QPCT: variants seen among roughly 807,000 people sequenced by gnomAD.
QPCT encodes the protein EC.
A neutral mutation model predicts 43.4 loss-of-function variants in QPCT; 44 were observed. That is an observed-to-expected ratio of 1.01 (90% CI 0.80 to 1.30). QPCT has a LOEUF of 1.30. QPCT is among the 50% of genes most tolerant of loss of function. The pLI is 0.00. For synonymous variants in QPCT, 168 were observed against 168.4 expected (o/e 1.00, Z 0.02); for missense variants, 526 against 436.5 (o/e 1.21, Z -1.83).
At chr2:37,347,483 T>C (rs1277205425) in intron 1 of QPCT, among the ~76,000 whole-genome samples, 1 of 151,732 alleles carries the variant, frequency 6.6e-6, no homozygotes, top group African/African-American at 2.4e-5. Flanking sequence ...AGTGTGGGGC[T>C]AGCAGGGAAG....
At chr2:37,363,315 A>C (rs1417766057) in intron 3 of QPCT, among the ~76,000 whole-genome samples, 2 of 152,152 alleles carry the variant, frequency 1.3e-5, no homozygotes, top group Non-Finnish European at 2.9e-5. Context: ...CAGACATTTG[A>C]GGACAGACTC....
At chr2:37,367,938 A>T (rs1672999389) in intron 4 of QPCT, among the ~76,000 whole-genome samples, 1 of 152,156 alleles carries the variant, frequency 6.6e-6, no homozygotes, top group South Asian at 2.1e-4. Flanking sequence ...AAATGATAAA[A>T]TCATGTAAAA....
rs143642421 is a variant in QPCT at position 37,359,635 on chromosome 2, C to T, written c.323C>T (p.Thr108Ile). Residue 108 changes from threonine (T) to isoleucine (I), a missense_variant, in exon 3 of 7, where the codon ACC becomes ATC. By Grantham distance (89) the Thr-to-Ile change is moderately conservative. Coordinates refer to ENST00000338415, the MANE Select transcript of QPCT (RefSeq NM_012413.4). ...GCTGACTGGGTCTTGGAAATAGACA[C>T]CTTCTTGAGTCAGACACCCTATGGG... Reference protein sequence around the residue: ...LQADWVLEIDTFLSQTPYGYR... With the variant: ...LQADWVLEIDIFLSQTPYGYR... 37 of 1,614,008 alleles carry T rather than the reference C, an allele frequency of 2.3e-5. No homozygotes were observed. The highest frequency in any genetic ancestry group is 3.1e-5 in the Non-Finnish European group (36 of 1,180,010).
chr2:37,347,187 TA>T (rs1672516220), intron 1 of QPCT, among the ~76,000 whole-genome samples: 1 of 93,300 alleles, frequency 1.1e-5, no homozygotes, highest in East Asian at 4.4e-4. Context: ...ATAACATATA[TA>T]TATAACATAT....
At chr2:37,367,075 G>T (rs960975549) in intron 3 of QPCT, 157 bp from the exon 4 acceptor site, 1 of 710,188 alleles carries the variant, frequency 1.4e-6, no homozygotes, top group Non-Finnish European at 2.3e-6. Context: ...CTTTTGAAGA[G>T]GAAGTGGTGT....
At position 37,372,902 on chromosome 2, in the gene QPCT, T is replaced by C. The variant is rs1190495458; in HGVS notation, c.*75T>C. 3.4e-5 allele frequency: 46 copies of C among 1,340,818 alleles called. No individual in the cohort carries two copies. The highest frequency in any genetic ancestry group is 4.6e-5 in the Non-Finnish European group (45 of 979,402). 83.1% of individuals were successfully genotyped at this position (1,340,818 alleles called of 1,614,324 possible). On this transcript the variant is annotated 3_prime_UTR_variant, in exon 7 of 7. Coordinates refer to ENST00000338415, the MANE Select transcript of QPCT (RefSeq NM_012413.4). The stretch of plus-strand genomic sequence containing the variant: ...CAAGGCATCATTTAAAATAATCTGA[T>C]TTCAGACAAATGCTGTGTGGAAACA...
chr2:37,352,506 A>AT (rs1430717215), intron 1 of QPCT, among the ~76,000 whole-genome samples: 1 of 151,874 alleles, frequency 6.6e-6, no homozygotes, highest in East Asian at 1.9e-4. Flanking sequence ...TAATTTTTTC[A>AT]TTTTTTGTAG....
In QPCT at chr2:37,344,642, G is replaced by A. The variant is rs771581214; in HGVS notation, c.-90G>A. 126 of 1,505,518 alleles carry A rather than the reference G, an allele frequency of 8.4e-5. No individual in the cohort carries two copies. The highest frequency in any genetic ancestry group is 2.1e-4 in the Middle Eastern group (1 of 4,842). The allele number at this position is 1,505,518 out of a possible 1,614,324, so 93.3% of individuals were successfully genotyped here. A position where few individuals can be genotyped will look rare whatever the true frequency, so the allele number is the denominator to read the frequency against. On this transcript the variant is annotated 5_prime_UTR_variant, in exon 1 of 7. Coordinates refer to ENST00000338415, the MANE Select transcript of QPCT (RefSeq NM_012413.4). The stretch of plus-strand genomic sequence containing the variant: ...GGAAGGCGGGCGCAGTCGACCCAAG[G>A]GTGGAGAAGAGGGAAGGCGAAGGAC...
intron 3 of QPCT, among the ~76,000 whole-genome samples, chr2:37,364,131 C>T (rs1230190739): frequency 1.3e-5 from 2 of 151,912 alleles, no homozygotes; most frequent in Non-Finnish European, 2.9e-5. Context: ...ATCTTCAGAC[C>T]CAGAAAAATT....
chr2:37,361,744 G>A (rs1212995728), intron 3 of QPCT, among the ~76,000 whole-genome samples: 1 of 152,186 alleles, frequency 6.6e-6, no homozygotes, highest in Non-Finnish European at 1.5e-5. Context: ...ATACATAATG[G>A]TATTTTAAGC....
intron 1 of QPCT, among the ~76,000 whole-genome samples, chr2:37,347,170 T>TATATATATATATTATATATATATAAC (rs1672512668): frequency 5.7e-5 from 3 of 52,862 alleles, no homozygotes; most frequent in African/African-American, 2.5e-4. Context: ...ATATAACATA[T>TATATATATATATTATATATATATAAC]ATATATATAA....
chr2:37,347,149 T>TATATATATATATAAC (rs1425557528), intron 1 of QPCT, among the ~76,000 whole-genome samples: 1 of 62,706 alleles, frequency 1.6e-5, no homozygotes, highest in African/African-American at 8.3e-5. Flanking sequence ...GTGTTTTATA[T>TATATATATATATAAC]ATATATATAT....
rs745650021 is a variant in QPCT, at chr2:37,367,409, G to T, written c.723+1G>T. On this transcript the variant is annotated splice_donor_variant, in intron 4 of 6. Transcript: ENST00000338415. LOFTEE classifies it high-confidence loss of function. ...AGGCACCAGCCAACTGCATGGCATG[G>T]TTAGTCTGGGCAATTTCCCTAGCAC... 3 of 1,612,780 alleles carry T rather than the reference G, an allele frequency of 1.9e-6. No individual in the cohort carries two copies. The highest frequency in any genetic ancestry group is 1.7e-5 in the Admixed American group (1 of 59,850).
In QPCT at chr2:37,364,981, A is replaced by G. The variant is rs116081752; in HGVS notation, c.547-2251A>G. Among the ~76,000 whole-genome samples the G allele has an allele frequency of 8.6e-3, 1,277 of 147,870 alleles. 12 individuals are homozygous for G. The highest frequency in any genetic ancestry group is 0.03 in the African/African-American group (1,207 of 40,250). On this transcript the variant is annotated intron_variant, in intron 3 of 6. Transcript: ENST00000338415. ...ATAGAGAGACCAGCCTGGGCAACAT[A>G]CTAAGGCTCCGCCTCTACAATATTA... is the stretch of plus-strand genomic sequence containing the variant.
intron 1 of QPCT, among the ~76,000 whole-genome samples, chr2:37,351,313 G>T (rs1672615562): frequency 6.6e-6 from 1 of 152,084 alleles, no homozygotes; most frequent in Admixed American, 6.6e-5. Flanking sequence ...CTGATCAATT[G>T]TTCTCTTCCT....
chr2:37,369,594 T>C (rs1054170752), intron 4 of QPCT, 91 bp from the exon 5 acceptor site: 3 of 926,072 alleles, frequency 3.2e-6, no homozygotes, highest in Non-Finnish European at 5.3e-6. Flanking sequence ...ATTACTGAAA[T>C]GCAGTTAATT....
rs1672850082 is a variant in QPCT at position 37,361,073 on chromosome 2, A to AAAAAACTTAATTTAAT, written c.546+1215_546+1216insAAAAACTTAATTTAAT. 3.3e-4 allele frequency among the ~76,000 whole-genome samples: 50 copies of AAAAAACTTAATTTAAT among 152,332 alleles called. No individual in the cohort carries two copies. In the South Asian group the frequency reaches 9.9e-3, roughly 30 times the overall value. On this transcript the variant is annotated intron_variant, in intron 3 of 6. Coordinates refer to ENST00000338415, the MANE Select transcript of QPCT (RefSeq NM_012413.4). ...CTGAATGAGTTATTGGATTGGGGTC[A>AAAAAACTTAATTTAAT]TCATTAAAAAAATTTGAATCAACAT... is the stretch of plus-strand genomic sequence containing the variant.
At chr2:37,354,023 C>G (rs1672682316) in intron 2 of QPCT, among the ~76,000 whole-genome samples, 1 of 152,232 alleles carries the variant, frequency 6.6e-6, no homozygotes, top group African/African-American at 2.4e-5. Flanking sequence ...CGCCACCATG[C>G]CCGGCTAATT....
chr2:37,344,988 C>A, intron 1 of QPCT, 137 bp downstream of exon 1: 1 of 1,298,252 alleles, frequency 7.7e-7, no homozygotes, highest in Admixed American at 3.3e-5. Flanking sequence ...CGGCGCCCCA[C>A]CCGGCGCCCG....
Sources: gnomAD v4.1 joint callset for allele counts (sites outside exome capture counted in the v4.1 genomes callset) on GRCh38, gnomAD v4.1.1 for gene constraint, MANE v1.5 for transcripts, NCBI Gene and HGNC (gene_info 2026-07-23, HGNC 2026-07-21) for gene names.